Variants in SDC2 observed in about 807,000 individuals in gnomAD.
SDC2 encodes the protein syndecan 2, also known as syndecan-2.
Under a neutral mutation model 22.2 loss-of-function variants are expected in SDC2, and 13 were observed. That is an observed-to-expected ratio of 0.59 (90% CI 0.38 to 0.93). The LOEUF is 0.93. Ranked by LOEUF, SDC2 falls within the 40% of genes least tolerant of loss-of-function variation. The pLI, the probability that SDC2 is intolerant of heterozygous loss-of-function variation, is 0.00. For missense variants in SDC2, 235 were observed against 246.8 expected (o/e 0.95, Z 0.32); for synonymous variants, 94 against 92.8 (o/e 1.01, Z -0.07).
Position 96,609,660 on chromosome 8 carries a change from C to A in SDC2, c.*112C>A. The A allele has an allele frequency of 3.2e-6, 2 of 628,170 alleles. No individual in the cohort carries two copies. The highest frequency in any genetic ancestry group is 5.0e-6 in the Non-Finnish European group (2 of 403,042). 38.9% of individuals were successfully genotyped at this position (628,170 alleles called of 1,614,324 possible). ...TGTTTTCATTAAAGAGCCATTCTGG[C>A]ACTTTAATGATAAAATCCCATTGTA... On this transcript the variant is annotated 3_prime_UTR_variant, in exon 5 of 5. Transcript: ENST00000302190.
chr8:96,585,892 C>T (rs1231862166), intron 1 of SDC2, among the ~76,000 whole-genome samples: 3 of 143,932 alleles, frequency 2.1e-5, no homozygotes, highest in Non-Finnish European at 3.0e-5. Context: ...TGGTGGGGGT[C>T]GCAGTTAATG....
chr8:96,567,594 CAT>C (rs1209351605), intron 1 of SDC2, among the ~76,000 whole-genome samples: 2 of 152,152 alleles, frequency 1.3e-5, no homozygotes, highest in Non-Finnish European at 2.9e-5. Context: ...AGAGTAAGAA[CAT>C]GTGGTATTTG....
At chr8:96,607,371 AGTT>A (rs1203973618) in intron 3 of SDC2, among the ~76,000 whole-genome samples, 1 of 152,128 alleles carries the variant, frequency 6.6e-6, no homozygotes. Flanking sequence ...CAAGGGAAGA[AGTT>A]AATGTGAGAG....
chr8:96,584,516 T>C (rs1814648776), intron 1 of SDC2, among the ~76,000 whole-genome samples: 1 of 152,212 alleles, frequency 6.6e-6, no homozygotes, highest in Admixed American at 6.5e-5. Flanking sequence ...GAATACGAAA[T>C]AAATTCCAAA....
At chr8:96,534,476 C>T (rs13279054) in intron 1 of SDC2, among the ~76,000 whole-genome samples, 3 of 152,188 alleles carry the variant, frequency 2.0e-5, no homozygotes, top group Admixed American at 2.0e-4. Context: ...GCTCTGTTGC[C>T]TAGGCTGGAG....
At chr8:96,519,576 G>A (rs1813461822) in intron 1 of SDC2, among the ~76,000 whole-genome samples, 1 of 151,820 alleles carries the variant, frequency 6.6e-6, no homozygotes, top group South Asian at 2.1e-4. Context: ...ATAATCTAGG[G>A]GGGAAAAATC....
intron 1 of SDC2, among the ~76,000 whole-genome samples, chr8:96,522,355 T>A (rs1455889543): frequency 2.6e-5 from 4 of 151,796 alleles, no homozygotes; most frequent in South Asian, 2.1e-4. Flanking sequence ...AAGAGAATTT[T>A]TCAAGTGGTT....
At chr8:96,604,493 G>A (rs998028019) in intron 3 of SDC2, among the ~76,000 whole-genome samples, 13 of 152,122 alleles carry the variant, frequency 8.5e-5, no homozygotes, top group African/African-American at 3.1e-4. Context: ...TGATAATATT[G>A]ATCATGAATA....
intron 1 of SDC2, among the ~76,000 whole-genome samples, chr8:96,587,444 A>G (rs552138070): frequency 6.6e-6 from 1 of 152,378 alleles, no homozygotes; most frequent in Admixed American, 6.5e-5. Context: ...TAAGTCAGCC[A>G]TATCTAACAT....
At chr8:96,588,188 C>G (rs1814718664) in intron 1 of SDC2, among the ~76,000 whole-genome samples, 1 of 152,122 alleles carries the variant, frequency 6.6e-6, no homozygotes, top group Non-Finnish European at 1.5e-5. Flanking sequence ...CCAGCTAGAC[C>G]AGAGGACTTT....
chr8:96,535,259 G>A (rs1813736293), intron 1 of SDC2, among the ~76,000 whole-genome samples: 1 of 152,054 alleles, frequency 6.6e-6, no homozygotes, highest in East Asian at 1.9e-4. Context: ...CGCCCGCCTT[G>A]GCCTCCCAAA....
At chr8:96,548,590 C>T (rs966019898) in intron 1 of SDC2, among the ~76,000 whole-genome samples, 1 of 152,178 alleles carries the variant, frequency 6.6e-6, no homozygotes, top group Admixed American at 6.5e-5. Context: ...CAGGAGTGAG[C>T]AAAGTGCCAC....
intron 1 of SDC2, among the ~76,000 whole-genome samples, chr8:96,511,819 A>T (rs1813332658): frequency 6.6e-6 from 1 of 151,302 alleles, no homozygotes; most frequent in African/African-American, 2.4e-5. Context: ...ATCAGCCTCA[A>T]GGCTTACGTA....
intron 1 of SDC2, among the ~76,000 whole-genome samples, chr8:96,568,830 T>TG (rs1206921670): frequency 2.0e-5 from 3 of 152,102 alleles, no homozygotes; most frequent in Non-Finnish European, 2.9e-5. Flanking sequence ...AACAGGTAAA[T>TG]GGGGAACTGT....
chr8:96,573,945 C>G (rs1038827709), intron 1 of SDC2, among the ~76,000 whole-genome samples: 10 of 151,916 alleles, frequency 6.6e-5, no homozygotes, highest in African/African-American at 2.4e-4. Context: ...ACTAAAACTC[C>G]TCTCTTTTCT....
At chr8:96,602,712 G>A (rs946697079) in intron 3 of SDC2, among the ~76,000 whole-genome samples, 184 bp downstream of exon 3, 2 of 152,158 alleles carry the variant, frequency 1.3e-5, no homozygotes, top group African/African-American at 4.8e-5. Flanking sequence ...ATGGTCTTCA[G>A]GTGGTGTTAT....
Position 96,611,697 on chromosome 8 carries a change from G to A in SDC2, c.*2149G>A, listed in dbSNP as rs1473482672. Reference sequence around the variant, plus strand: ...CGTGCCAGGAAAAGAAAAATTTCTGGCAAATATTTTGTCACTGCTGTAAAG... The same window carrying A: ...CGTGCCAGGAAAAGAAAAATTTCTGACAAATATTTTGTCACTGCTGTAAAG... On this transcript the variant is annotated 3_prime_UTR_variant, in exon 5 of 5. Coordinates refer to ENST00000302190, the MANE Select transcript of SDC2 (RefSeq NM_002998.4). The A allele has an allele frequency of 6.6e-6, 1 of 152,604 alleles. No homozygotes were observed. 9.5% of individuals were successfully genotyped at this position (152,604 alleles called of 1,614,324 possible).
In SDC2 at chr8:96,579,310, G is replaced by A. The variant is rs774653959; in HGVS notation, c.61-14170G>A. Among the ~76,000 whole-genome samples the A allele has an allele frequency of 2.6e-5, 4 of 152,282 alleles. 1 individual carries two copies. Among genetic ancestry groups the A allele is most frequent in the Admixed American group, 2.0e-4 (3 of 15,300 alleles). On this transcript the variant is annotated intron_variant, in intron 1 of 4. Coordinates refer to ENST00000302190, the MANE Select transcript of SDC2 (RefSeq NM_002998.4). ...GAAATTGGCTGTTGATGCTAGTGAG[G>A]GTTTTTAATATAAGTTTTAAATGAA...
intron 1 of SDC2, among the ~76,000 whole-genome samples, chr8:96,565,153 C>T (rs1358978531): frequency 5.8e-5 from 7 of 121,104 alleles, no homozygotes; most frequent in Non-Finnish European, 5.0e-5. Context: ...TGTACGATCT[C>T]GGCTCACTGC....
Sources: allele counts gnomAD v4.1 joint callset (sites outside exome capture counted in the v4.1 genomes callset), GRCh38; gene constraint gnomAD v4.1.1; transcripts MANE v1.5; gene names NCBI Gene and HGNC (gene_info 2026-07-23, HGNC 2026-07-21).